ZFPM2: variants seen among roughly 807,000 people sequenced by gnomAD.
The protein encoded by ZFPM2 is zinc finger protein, FOG family member 2, also known as zinc finger protein ZFPM2.
Under a neutral mutation model 98.6 loss-of-function variants are expected in ZFPM2, and 20 were observed. The ratio of observed to expected loss-of-function variants is 0.20; its 90% CI spans 0.14 to 0.29. The LOEUF is 0.29. Ranked by LOEUF, ZFPM2 falls within the 10% of genes least tolerant of loss-of-function variation. ZFPM2 has a pLI of 1.00. For missense variants in ZFPM2, 1,310 were observed against 1,388.6 expected, an observed-to-expected ratio of 0.94 and a Z score of 0.90; for synonymous variants, 518 against 502.7, an observed-to-expected ratio of 1.03 and a Z score of -0.41.
At chr8:105,671,349 A>G (rs1817590266) in intron 5 of ZFPM2, among the ~76,000 whole-genome samples, 1 of 151,864 alleles carries the variant, frequency 6.6e-6, no homozygotes, top group Non-Finnish European at 1.5e-5. Flanking sequence ...TAAAAAAATT[A>G]ATTTTTATTT....
chr8:105,601,083 C>A (rs1228270410), intron 4 of ZFPM2, among the ~76,000 whole-genome samples: 2 of 152,088 alleles, frequency 1.3e-5, no homozygotes, highest in Non-Finnish European at 2.9e-5. Context: ...CTGCTCCTCC[C>A]TCTCACCCTG....
chr8:105,717,521 C>A (rs1218372183), intron 5 of ZFPM2, among the ~76,000 whole-genome samples: 1 of 151,788 alleles, frequency 6.6e-6, no homozygotes, highest in Non-Finnish European at 1.5e-5. Context: ...TTTCTATGGC[C>A]TCCACAGTAT....
chr8:105,559,684 G>T (rs1815086052), intron 3 of ZFPM2, among the ~76,000 whole-genome samples: 1 of 152,014 alleles, frequency 6.6e-6, no homozygotes, highest in South Asian at 2.1e-4. Context: ...AAGCAATAAT[G>T]AAAACATGAA....
At chr8:105,657,187 G>A (rs552003097) in intron 5 of ZFPM2, among the ~76,000 whole-genome samples, 1 of 152,070 alleles carries the variant, frequency 6.6e-6, no homozygotes, top group African/African-American at 2.4e-5. Context: ...CACCCAGGCT[G>A]GAGTGCAATG....
intron 1 of ZFPM2, among the ~76,000 whole-genome samples, chr8:105,380,708 T>TG (rs1810847858): frequency 2.9e-5 from 1 of 33,920 alleles, no homozygotes; most frequent in South Asian, 7.2e-4. Flanking sequence ...ATATATAATA[T>TG]ATATATATAT....
At chr8:105,543,748 TG>T (rs778054345) in intron 3 of ZFPM2, among the ~76,000 whole-genome samples, 12 of 152,214 alleles carry the variant, frequency 7.9e-5, no homozygotes, top group Non-Finnish European at 1.6e-4. Flanking sequence ...TTCCTTCTTT[TG>T]TGTATTCAAG....
chr8:105,584,368 A>C (rs1470531574), intron 4 of ZFPM2, among the ~76,000 whole-genome samples: 1 of 152,178 alleles, frequency 6.6e-6, no homozygotes, highest in East Asian at 1.9e-4. Flanking sequence ...CAGCAAGAAA[A>C]AAATATTTAA....
intron 5 of ZFPM2, among the ~76,000 whole-genome samples, chr8:105,700,062 A>G (rs1478997125): frequency 1.3e-5 from 2 of 152,202 alleles, no homozygotes; most frequent in Non-Finnish European, 2.9e-5. Context: ...AAAGTTATTT[A>G]ATCATTTTAA....
At chr8:105,619,423 A>T (rs1816487099) in intron 4 of ZFPM2, among the ~76,000 whole-genome samples, 1 of 152,228 alleles carries the variant, frequency 6.6e-6, no homozygotes, top group East Asian at 1.9e-4. Flanking sequence ...CTCATATTTC[A>T]TCTCTCTATT....
At chr8:105,735,175 A>G (rs1420593191) in intron 5 of ZFPM2, among the ~76,000 whole-genome samples, 2 of 149,314 alleles carry the variant, frequency 1.3e-5, no homozygotes, top group African/African-American at 2.4e-5. Context: ...ATCTATATAG[A>G]TAAATAGATA....
rs536245863 is a variant in ZFPM2 at position 105,505,994 on chromosome 8, C to T, written c.302-55369C>T. ...GGAATAAATCTGTTTCCAAATCATA[C>T]ACAATGAAGAAGCAAAAACAGTGCC... On this transcript the variant is annotated intron_variant, in intron 3 of 7. Coordinates refer to ENST00000407775, the MANE Select transcript of ZFPM2 (RefSeq NM_012082.4). Among the ~76,000 whole-genome samples the T allele has an allele frequency of 6.6e-5, 10 of 152,094 alleles. No individual in the cohort carries two copies. In the South Asian group the frequency reaches 1.9e-3, roughly 28 times the overall value.
intron 3 of ZFPM2, among the ~76,000 whole-genome samples, chr8:105,504,363 C>T (rs1813654850): frequency 6.6e-6 from 1 of 152,132 alleles, no homozygotes; most frequent in Non-Finnish European, 1.5e-5. Flanking sequence ...ACAAGTATGA[C>T]AAACCTTGGC....
At chr8:105,729,228 T>G (rs7816793) in intron 5 of ZFPM2, among the ~76,000 whole-genome samples, 68,605 of 151,532 alleles carry the variant, frequency 0.45, 16,565 homozygotes, top group African/African-American at 0.62. Flanking sequence ...CTTGAAAATA[T>G]GGATGCACTT....
intron 5 of ZFPM2, among the ~76,000 whole-genome samples, chr8:105,647,990 A>C (rs966861150): frequency 2.6e-5 from 4 of 152,186 alleles, no homozygotes; most frequent in Admixed American, 6.5e-5. Context: ...TTAGAGTCCC[A>C]CCAACAGTGT....
At chr8:105,441,455 A>AGAGAGAGAG (rs1554604944) in intron 2 of ZFPM2, among the ~76,000 whole-genome samples, 1 of 56,532 alleles carries the variant, frequency 1.8e-5, no homozygotes, top group African/African-American at 9.9e-5. Flanking sequence ...AGAGAGAGAG[A>AGAGAGAGAG]AAGAAAGAAA....
At chr8:105,380,938 T>TAATATATATGTTATATA (rs1563631499) in intron 1 of ZFPM2, among the ~76,000 whole-genome samples, 1 of 35,496 alleles carries the variant, frequency 2.8e-5, no homozygotes, top group Non-Finnish European at 7.1e-5. Context: ...AATATATATA[T>TAATATATATGTTATATA]TATTATACTT....
intron 5 of ZFPM2, among the ~76,000 whole-genome samples, chr8:105,714,433 C>T (rs1586215115): frequency 6.6e-6 from 1 of 151,960 alleles, no homozygotes; most frequent in African/African-American, 2.4e-5. Context: ...TGACTTTCTC[C>T]TATCTTTTTT....
At chr8:105,420,750 C>CA (rs1038680708) in intron 2 of ZFPM2, among the ~76,000 whole-genome samples, 1 of 152,046 alleles carries the variant, frequency 6.6e-6, no homozygotes, top group Non-Finnish European at 1.5e-5. Flanking sequence ...GAAGACATCT[C>CA]AATTTTTTTT....
At chr8:105,664,951 C>G (rs986535685) in intron 5 of ZFPM2, among the ~76,000 whole-genome samples, 11 of 152,036 alleles carry the variant, frequency 7.2e-5, no homozygotes, top group African/African-American at 2.7e-4. Context: ...TAATTAAGGG[C>G]AAAAATTCAC....
Sources: gnomAD v4.1 joint callset for allele counts (sites outside exome capture counted in the v4.1 genomes callset) on GRCh38, gnomAD v4.1.1 for gene constraint, MANE v1.5 for transcripts, NCBI Gene and HGNC (gene_info 2026-07-23, HGNC 2026-07-21) for gene names.